The following GINM1 variants were observed in gnomAD, a reference collection of about 807,000 sequenced individuals.
The protein encoded by GINM1 is glycosylated integral membrane protein 1, also known as glycoprotein integral membrane protein 1.
A neutral mutation model predicts 37.8 loss-of-function variants in GINM1; 29 were observed. The observed-to-expected ratio is 0.77, with a 90% CI of 0.57 to 1.05. The LOEUF is 1.05. GINM1 is among the 50% of genes least tolerant of loss of function. GINM1 has a pLI of 0.00. For synonymous variants in GINM1, 143 were observed against 146.2 expected (o/e 0.98, Z 0.16); for missense variants, 377 against 397.9 (o/e 0.95, Z 0.45).
Position 149,566,463 on chromosome 6 carries a change from G to C in GINM1, c.49G>C (p.Val17Leu). The change falls in exon 1 of 8, where the codon GTG (valine) becomes CTG (leucine). Residue 17 changes from valine to leucine, a missense_variant. By Grantham distance (32) the Val-to-Leu change is conservative. Coordinates refer to ENST00000367419, the MANE Select transcript of GINM1 (RefSeq NM_138785.5). The surrounding 1 kb of genome is among the most constrained non-coding windows in gnomAD (Gnocchi z 4.4). ...GCTCGCCCTCCGGCTCCTGCTGTTCGTGGCGCTACCCGCCTCCGGCTGGCT... is the reference window on the plus strand; with the variant it reads ...GCTCGCCCTCCGGCTCCTGCTGTTCCTGGCGCTACCCGCCTCCGGCTGGCT... Reference protein sequence around the residue: ...GSLALRLLLFVALPASGWLTT... With the variant: ...GSLALRLLLFLALPASGWLTT... 1.3e-6 allele frequency: 2 copies of C among 1,571,024 alleles called. No individual in the cohort carries two copies. Among genetic ancestry groups the C allele is most frequent in the South Asian group, 1.1e-5 (1 of 87,424 alleles).
intron 7 of GINM1, among the ~76,000 whole-genome samples, chr6:149,586,314 TA>T (rs1260158677): frequency 6.6e-6 from 1 of 152,136 alleles, no homozygotes; most frequent in Non-Finnish European, 1.5e-5. Flanking sequence ...AGGCTCTTTT[TA>T]ACAACCAGGT....
At chr6:149,589,179 A>G (rs1778116770) in intron 7 of GINM1, among the ~76,000 whole-genome samples, 1 of 151,976 alleles carries the variant, frequency 6.6e-6, no homozygotes, top group Admixed American at 6.6e-5. Flanking sequence ...CTTGGGCCCA[A>G]GCAGTCCTCC....
At chr6:149,575,932 A>G (rs527566133) in intron 3 of GINM1, among the ~76,000 whole-genome samples, 8 of 152,334 alleles carry the variant, frequency 5.3e-5, no homozygotes, top group African/African-American at 1.7e-4. Context: ...AGTTACAGCA[A>G]GAATCTTCAA....
Position 149,590,938 on chromosome 6 carries a change from TAGAG to T in GINM1, c.*102_*105del. 1 of 621,410 alleles carries T rather than the reference TAGAG, an allele frequency of 1.6e-6. No individual in the cohort carries two copies. 38.5% of individuals were successfully genotyped at this position (621,410 alleles called of 1,614,324 possible). Reference sequence around the variant, plus strand: ...AATCGTTAAGAATCAGTTTATACACTAGAGAAATTGCTAAACTCTAAGACTGCCT... The same window carrying T: ...AATCGTTAAGAATCAGTTTATACACTAAATTGCTAAACTCTAAGACTGCCT... On this transcript the variant is annotated 3_prime_UTR_variant, in exon 8 of 8. Coordinates refer to ENST00000367419, the MANE Select transcript of GINM1 (RefSeq NM_138785.5).
intron 6 of GINM1, 37 bp from the exon 7 acceptor site, chr6:149,582,402 GA>G (rs1778015494): frequency 6.5e-7 from 1 of 1,542,946 alleles, no homozygotes; most frequent in African/African-American, 1.4e-5. Context: ...CTTAGAGATT[GA>G]TGCAACTTGC....
intron 4 of GINM1, among the ~76,000 whole-genome samples, chr6:149,579,387 G>A (rs552672164): frequency 9.9e-5 from 15 of 152,132 alleles, no homozygotes; most frequent in South Asian, 2.1e-4. Context: ...GTGGGAGTAC[G>A]GGGAAATAAA....
chr6:149,582,336 A>G, intron 6 of GINM1, 104 bp from the exon 7 acceptor site: 1 of 986,106 alleles, frequency 1.0e-6, no homozygotes, highest in Non-Finnish European at 1.6e-6. Context: ...CACAATCAAA[A>G]TATAGAATAT....
intron 1 of GINM1, among the ~76,000 whole-genome samples, chr6:149,571,552 G>C (rs1777822488): frequency 6.6e-6 from 1 of 152,088 alleles, no homozygotes; most frequent in Admixed American, 6.6e-5. Flanking sequence ...ATTGTTTAGA[G>C]AGAGAGACAC....
chr6:149,580,669 A>G lies in GINM1; in HGVS notation c.663A>G (p.Leu221=). The G allele has an allele frequency of 2.5e-6, 4 of 1,613,852 alleles. No individual in the cohort carries two copies. Among genetic ancestry groups the G allele is most frequent in the Non-Finnish European group, 3.4e-6 (4 of 1,179,784 alleles). ...NVETTVDEDV[L]PGKLPETPLR... is the part of the protein sequence containing the mutation. ...AAACCACTGTAGATGAAGATGTTTT[A>G]CCTGGCAAGTTACCTGAAACTCCTC... Residue 221 remains leucine (L), a synonymous_variant, in exon 6 of 8, where the codon TTA becomes TTG. Transcript: ENST00000367419.
chr6:149,567,592 G>A (rs1319677334), intron 1 of GINM1, among the ~76,000 whole-genome samples: 1 of 152,160 alleles, frequency 6.6e-6, no homozygotes, highest in Non-Finnish European at 1.5e-5. Context: ...AGTGAGCCGA[G>A]ATCGTGCCAC....
intron 7 of GINM1, among the ~76,000 whole-genome samples, chr6:149,586,518 G>A (rs546298062): frequency 9.9e-5 from 15 of 152,120 alleles, no homozygotes; most frequent in Admixed American, 9.2e-4. Context: ...CCCAGCTTTG[G>A]AAAGATTGAC....
At chr6:149,576,351 G>T (rs1275472221) in intron 3 of GINM1, 1 of 152,232 alleles carries the variant, frequency 6.6e-6, no homozygotes, top group Non-Finnish European at 1.5e-5. Flanking sequence ...GGACAAGAGA[G>T]ACTGCCAGTA....
chr6:149,585,825 C>T (rs1031421207), intron 7 of GINM1, among the ~76,000 whole-genome samples: 2 of 152,284 alleles, frequency 1.3e-5, no homozygotes, highest in Admixed American at 1.3e-4. Context: ...ATCCCCTGAC[C>T]TCGTGAGCCC....
intron 3 of GINM1, among the ~76,000 whole-genome samples, chr6:149,574,465 A>C (rs952408433): frequency 6.6e-6 from 1 of 151,940 alleles, no homozygotes; most frequent in Non-Finnish European, 1.5e-5. Flanking sequence ...CTTTGTCCCA[A>C]CTGTTCTGTG....
At position 149,569,171 on chromosome 6, in the gene GINM1, T is replaced by A. The variant is rs542192354; in HGVS notation, c.120+2637T>A. On this transcript the variant is annotated intron_variant, in intron 1 of 7. Coordinates refer to ENST00000367419, the MANE Select transcript of GINM1 (RefSeq NM_138785.5). ...GCCTCAGCTTCCCAAGTAGCTGGGA[T>A]TACAGGCTCCCGCCACTGCGCCCAG... is the stretch of plus-strand genomic sequence containing the variant. Among the ~76,000 whole-genome samples the A allele has an allele frequency of 2.4e-4, 36 of 151,994 alleles. No homozygotes were observed. The South Asian group carries it at 6.8e-3, about 29-fold the overall frequency.
At chr6:149,573,757 G>T (rs182776455) in intron 3 of GINM1, among the ~76,000 whole-genome samples, 22 of 151,732 alleles carry the variant, frequency 1.4e-4, no homozygotes, top group African/African-American at 4.8e-4. Context: ...TGTAGTCCCA[G>T]CTACTCCTGA....
At chr6:149,587,655 AT>A (rs1239356603) in intron 7 of GINM1, among the ~76,000 whole-genome samples, 1 of 152,142 alleles carries the variant, frequency 6.6e-6, no homozygotes, top group Non-Finnish European at 1.5e-5. Context: ...GTGCACCTCT[AT>A]CCAGGTCCCA....
At chr6:149,584,982 T>A (rs898887942) in intron 7 of GINM1, among the ~76,000 whole-genome samples, 1 of 152,054 alleles carries the variant, frequency 6.6e-6, no homozygotes, top group Non-Finnish European at 1.5e-5. Flanking sequence ...TTAAGTATCA[T>A]GTTGGCACTC....
intron 7 of GINM1, among the ~76,000 whole-genome samples, chr6:149,583,739 G>A (rs1334261546): frequency 6.6e-6 from 1 of 152,044 alleles, no homozygotes; most frequent in East Asian, 1.9e-4. Flanking sequence ...TATGTGGGGG[G>A]AAATATGGCA....
Sources: gnomAD v4.1 joint callset for allele counts (sites outside exome capture counted in the v4.1 genomes callset) on GRCh38, gnomAD v4.1.1 for gene constraint, Gnocchi (gnomAD v3.1) non-coding constraint, MANE v1.5 for transcripts, NCBI Gene and HGNC (gene_info 2026-07-23, HGNC 2026-07-21) for gene names.